Variants in BRAF observed in about 807,000 individuals in gnomAD.
The protein encoded by BRAF is B-Raf proto-oncogene, serine/threonine kinase, also known as serine/threonine-protein kinase B-raf.
Under a neutral mutation model 104.6 loss-of-function variants are expected in BRAF, and 16 were observed. That is an observed-to-expected ratio of 0.15 (90% CI 0.10 to 0.23). The LOEUF is 0.23. BRAF is among the 10% of genes least tolerant of loss of function. The pLI, the probability that BRAF is intolerant of heterozygous loss-of-function variation, is 1.00. For missense variants in BRAF, 541 were observed against 937.3 expected, an observed-to-expected ratio of 0.58 and a Z score of 5.52; for synonymous variants, 310 against 341.6, an observed-to-expected ratio of 0.91 and a Z score of 1.02.
At chr7:140,729,371 G>A (rs1159825832) in intron 19 of BRAF, among the ~76,000 whole-genome samples, 2 of 152,166 alleles carry the variant, frequency 1.3e-5, no homozygotes, top group African/African-American at 2.4e-5. Flanking sequence ...CCAGGCCGGC[G>A]AGGTGGCTCA....
intron 5 of BRAF, among the ~76,000 whole-genome samples, chr7:140,803,152 C>T (rs750275180): frequency 6.6e-6 from 1 of 152,326 alleles, no homozygotes; most frequent in East Asian, 1.9e-4. Context: ...TTAGGCTATA[C>T]CATGTAGGCT....
chr7:140,748,437 A>T (rs1026299559), intron 17 of BRAF, among the ~76,000 whole-genome samples: 2 of 152,134 alleles, frequency 1.3e-5, no homozygotes, highest in African/African-American at 4.8e-5. Context: ...ATTTAATTAC[A>T]ATCTGCTCCA....
intron 14 of BRAF, among the ~76,000 whole-genome samples, chr7:140,755,232 A>G (rs1798109848): frequency 6.6e-6 from 1 of 152,228 alleles, no homozygotes; most frequent in Non-Finnish European, 1.5e-5. Context: ...ATCAACTACA[A>G]TAAGATGCAT....
At position 140,924,359 on chromosome 7, in the gene BRAF, C is replaced by CCCCCCGGG. The variant is rs1018693798; in HGVS notation, c.138+199_138+206dup. On this transcript the variant is annotated intron_variant, in intron 1 of 19. Coordinates refer to ENST00000644969, the MANE Select transcript of BRAF (RefSeq NM_001374258.1). The surrounding 1 kb of genome is among the most constrained non-coding windows in gnomAD (Gnocchi z 4.2). ...ACATCTGGGGTGGGGGCCAGGGAAA[C>CCCCCCGGG]CCCCCGGGCCATTGTGTGTGTTTAC... Among the ~76,000 whole-genome samples the CCCCCCGGG allele has an allele frequency of 1.3e-5, 2 of 152,166 alleles. No homozygotes were observed. Among genetic ancestry groups the CCCCCCGGG allele is most frequent in the Non-Finnish European group, 2.9e-5 (2 of 67,996 alleles).
intron 17 of BRAF, among the ~76,000 whole-genome samples, chr7:140,744,893 T>C (rs998148295): frequency 6.6e-6 from 1 of 152,174 alleles, no homozygotes; most frequent in African/African-American, 2.4e-5. Flanking sequence ...AAATTAATAA[T>C]CAGAGCTTGA....
intron 12 of BRAF, among the ~76,000 whole-genome samples, chr7:140,778,914 C>T (rs1478009956): frequency 6.6e-6 from 1 of 151,966 alleles, no homozygotes. Flanking sequence ...TACATGTTCA[C>T]CAAAAGACAT....
chr7:140,886,954 G>C (rs1289963721), intron 1 of BRAF, among the ~76,000 whole-genome samples: 2 of 152,156 alleles, frequency 1.3e-5, no homozygotes, highest in African/African-American at 2.4e-5. Flanking sequence ...CAACAAGCCA[G>C]AGAGGTACTG....
intron 3 of BRAF, among the ~76,000 whole-genome samples, chr7:140,812,713 C>T (rs1804415516): frequency 1.3e-5 from 2 of 151,962 alleles, no homozygotes; most frequent in African/African-American, 2.4e-5. Flanking sequence ...TGGAACAAAA[C>T]AGAAAGACCA....
At chr7:140,733,048 T>C (rs1796103853) in intron 19 of BRAF, 1 of 152,230 alleles carries the variant, frequency 6.6e-6, no homozygotes, top group Non-Finnish European at 1.5e-5. Flanking sequence ...CGTGAAATGT[T>C]CCTTTTCATT....
At chr7:140,784,811 A>AT (rs987989514) in intron 10 of BRAF, among the ~76,000 whole-genome samples, 1 of 151,694 alleles carries the variant, frequency 6.6e-6, no homozygotes, top group African/African-American at 2.4e-5. Flanking sequence ...TGCCTAGCTA[A>AT]TTTTTTTTGT....
intron 15 of BRAF, 71 bp downstream of exon 14, chr7:140,754,116 T>C (rs375383775): frequency 3.7e-4 from 542 of 1,460,940 alleles, no homozygotes; most frequent in Non-Finnish European, 4.4e-4. Context: ...TTTTACATAA[T>C]GTGAAGACAA....
At chr7:140,843,328 G>A (rs1329238688) in intron 2 of BRAF, among the ~76,000 whole-genome samples, 1 of 152,144 alleles carries the variant, frequency 6.6e-6, no homozygotes, top group Non-Finnish European at 1.5e-5. Context: ...TTAAAAATCT[G>A]CTGTGGTCTT....
chr7:140,725,252 G>A lies in BRAF; in HGVS notation c.*1242C>T, dbSNP rs1795536168. ...GTTGGAAGAAACAATGAGATTATTA[G>A]CAAAGATGTTAGTGTGGATCCAGCA... On this transcript the variant is annotated 3_prime_UTR_variant, in exon 20 of 20. Coordinates refer to ENST00000644969, the MANE Select transcript of BRAF (RefSeq NM_001374258.1). 1 of 1,044,708 alleles carries A rather than the reference G, an allele frequency of 9.6e-7. No homozygotes were observed. The highest frequency in any genetic ancestry group is 1.2e-6 in the Non-Finnish European group (1 of 866,020). 64.7% of individuals were successfully genotyped at this position (1,044,708 alleles called of 1,614,324 possible). A position where few individuals can be genotyped will look rare whatever the true frequency, so the allele number is the denominator to read the frequency against.
At chr7:140,847,545 T>C (rs936695936) in intron 2 of BRAF, among the ~76,000 whole-genome samples, 3 of 151,392 alleles carry the variant, frequency 2.0e-5, no homozygotes, top group Admixed American at 1.3e-4. Flanking sequence ...ATCGTGCCAC[T>C]GCACTCCAGC....
chr7:140,726,421 CTG>C lies in BRAF; in HGVS notation c.*71_*72del. On this transcript the variant is annotated 3_prime_UTR_variant, in exon 20 of 20. Transcript: ENST00000644969. ...TTAAAAAAAGATTTGAGGAACAGAA[CTG>C]TGTTTTGATGTTAACAAATTGTACG... The C allele has an allele frequency of 1.2e-5, 18 of 1,528,716 alleles. No homozygotes were observed. Among genetic ancestry groups the C allele is most frequent in the Non-Finnish European group, 1.6e-5 (18 of 1,144,788 alleles). 94.7% of individuals were successfully genotyped at this position (1,528,716 alleles called of 1,614,324 possible).
At chr7:140,820,930 ATAAAAT>A (rs1805407703) in intron 3 of BRAF, among the ~76,000 whole-genome samples, 1 of 152,222 alleles carries the variant, frequency 6.6e-6, no homozygotes, top group South Asian at 2.1e-4. Context: ...CTCTCAAAAA[ATAAAAT>A]TAAAAATAAA....
intron 1 of BRAF, among the ~76,000 whole-genome samples, chr7:140,862,768 T>C (rs947852913): frequency 2.6e-5 from 4 of 152,190 alleles, no homozygotes; most frequent in African/African-American, 9.7e-5. Flanking sequence ...GTTTCATTTT[T>C]GAGTGATAAA....
At chr7:140,822,254 T>C (rs1407218365) in intron 3 of BRAF, 4 of 152,098 alleles carry the variant, frequency 2.6e-5, no homozygotes, top group South Asian at 2.1e-4. Flanking sequence ...TTAAAGGCTA[T>C]TAAAAAACAA....
intron 6 of BRAF, among the ~76,000 whole-genome samples, chr7:140,800,710 C>T (rs776978305): frequency 2.6e-5 from 4 of 152,174 alleles, no homozygotes; most frequent in Non-Finnish European, 5.9e-5. Flanking sequence ...CAAATTTCTA[C>T]ATACTACAAG....
Sources: gnomAD v4.1 joint callset for allele counts (sites outside exome capture counted in the v4.1 genomes callset) on GRCh38, gnomAD v4.1.1 for gene constraint, Gnocchi (gnomAD v3.1) non-coding constraint, MANE v1.5 for transcripts, NCBI Gene and HGNC (gene_info 2026-07-23, HGNC 2026-07-21) for gene names.